Variants in TMLHE observed in about 807,000 individuals in gnomAD.
TMLHE encodes trimethyllysine hydroxylase, epsilon, also known as trimethyllysine dioxygenase, mitochondrial.
A neutral mutation model predicts 25.7 loss-of-function variants in TMLHE; 18 were observed. The ratio of observed to expected loss-of-function variants is 0.70; its 90% confidence interval spans 0.48 to 1.04. The LOEUF (loss-of-function observed/expected upper bound fraction) is 1.04. Among genes scored for constraint, TMLHE ranks in the 50% least tolerant of loss-of-function variants. The pLI is 0.00. For synonymous variants in TMLHE, 105 were observed against 97.0 expected (o/e 1.08, Z -0.49); for missense variants, 236 against 259.0 (o/e 0.91, Z 0.61).
Position 155,568,570 on chromosome X carries a change from C to A in TMLHE, c.-1-23293G>T, listed in dbSNP as rs1569562188. Among the ~76,000 whole-genome samples the A allele has an allele frequency of 3.2e-5, 2 of 62,566 alleles. 1 individual carries two copies. Among genetic ancestry groups the A allele is most frequent in the Admixed American group, 3.7e-4 (2 of 5,395 alleles). The allele number at this position is 62,566 out of a possible 115,157, so 54.3% of individuals were successfully genotyped here. A position where few individuals can be genotyped will look rare whatever the true frequency, so the allele number is the denominator to read the frequency against. On this transcript the variant is annotated intron_variant, in intron 1 of 7. Coordinates refer to ENST00000334398, the MANE Select transcript of TMLHE (RefSeq NM_018196.4). ...GACCCCTGACCCCCGAGCAGCCTAA[C>A]TGGGAGGCACCCCCCAGTAGGGGCA...
chrX:155,561,114 G>C lies in TMLHE; in HGVS notation c.-1-15837C>G, dbSNP rs182980612. 1.7e-3 allele frequency among the ~76,000 whole-genome samples: 103 copies of C among 61,379 alleles called. 19 individuals are homozygous for C. Among genetic ancestry groups the C allele is most frequent in the Admixed American group, 3.8e-3 (20 of 5,230 alleles). 53.3% of individuals were successfully genotyped at this position (61,379 alleles called of 115,157 possible). A position where few individuals can be genotyped will look rare whatever the true frequency, so the allele number is the denominator to read the frequency against. ...GATTTGCTGATGAATTGAAAATGGG[G>C]TGTGAGATAAAGAGGAATGTATTAG... On this transcript the variant is annotated intron_variant, in intron 1 of 7. Transcript: ENST00000334398.
At chrX:155,510,232 T>TTTTTA (rs370981833) in intron 5 of TMLHE, among the ~76,000 whole-genome samples, 2,890 of 99,198 alleles carry the variant, frequency 0.029, 92 homozygotes, top group African/African-American at 0.081. Context: ...ATGAGTTTTC[T>TTTTTA]TTTTATTTTA....
At chrX:155,607,049 G>A (rs1348413111) in intron 1 of TMLHE, among the ~76,000 whole-genome samples, 2 of 111,504 alleles carry the variant, frequency 1.8e-5, no homozygotes, top group Admixed American at 1.9e-4. Flanking sequence ...ATATAAAGAA[G>A]AGCTGGTACC....
chrX:155,591,658 C>G (rs1231869609), intron 1 of TMLHE, among the ~76,000 whole-genome samples: 2 of 111,531 alleles, frequency 1.8e-5, no homozygotes, highest in Non-Finnish European at 3.8e-5. Context: ...GAACACTTCA[C>G]ACCTATTAGA....
intron 1 of TMLHE, among the ~76,000 whole-genome samples, chrX:155,574,116 C>G (rs1443455889): frequency 9.3e-6 from 1 of 108,037 alleles, no homozygotes; most frequent in African/African-American, 3.6e-5. Flanking sequence ...TGACAGCTAG[C>G]CTAAAGCCTC....
intron 1 of TMLHE, among the ~76,000 whole-genome samples, chrX:155,547,813 A>G (rs1603048333): frequency 1.8e-5 from 2 of 111,378 alleles, no homozygotes; most frequent in East Asian, 2.8e-4. Context: ...TTCTTTCATT[A>G]TTTACCACCC....
In TMLHE at chrX:155,549,352, G is replaced by C. The variant is rs782232159; in HGVS notation, c.-1-4075C>G. On this transcript the variant is annotated intron_variant, in intron 1 of 7. Coordinates refer to ENST00000334398, the MANE Select transcript of TMLHE (RefSeq NM_018196.4). ...TAAGTATGTTGTTAGCCATGTTTTT[G>C]GATTTTTTTGTTATTGTTATTAATG... 8.3e-4 allele frequency among the ~76,000 whole-genome samples: 92 copies of C among 110,224 alleles called. 5 individuals carry two copies. The highest frequency in any genetic ancestry group is 2.6e-3 in the African/African-American group (79 of 29,842).
intron 1 of TMLHE, among the ~76,000 whole-genome samples, chrX:155,549,970 T>G (rs1055048200): frequency 1.8e-5 from 2 of 109,416 alleles, no homozygotes; most frequent in African/African-American, 6.8e-5. Flanking sequence ...TGAGAACACG[T>G]GGTGTTTGGT....
intron 6 of TMLHE, among the ~76,000 whole-genome samples, chrX:155,505,108 C>T (rs1401916812): frequency 9.0e-6 from 1 of 111,289 alleles, no homozygotes; most frequent in Non-Finnish European, 1.9e-5. Context: ...CTGATATCTG[C>T]AATGTATTAT....
intron 1 of TMLHE, among the ~76,000 whole-genome samples, chrX:155,598,983 C>T (rs782549344): frequency 1.8e-5 from 2 of 111,446 alleles, no homozygotes; most frequent in South Asian, 3.8e-4. Flanking sequence ...ACCTCTGCCA[C>T]TCCTGAGACA....
At chrX:155,552,424 T>C (rs2067421567) in intron 1 of TMLHE, among the ~76,000 whole-genome samples, 1 of 109,841 alleles carries the variant, frequency 9.1e-6, no homozygotes, top group African/African-American at 3.4e-5. Flanking sequence ...TGCAGAAATT[T>C]ATCTTCTTGT....
intron 1 of TMLHE, among the ~76,000 whole-genome samples, chrX:155,587,191 G>C (rs1055443536): frequency 6.3e-5 from 7 of 111,739 alleles, no homozygotes; most frequent in Non-Finnish European, 1.1e-4. Context: ...TTTATCCCAG[G>C]GATGGAAGGA....
chrX:155,585,225 C>G (rs1557345131), intron 1 of TMLHE, among the ~76,000 whole-genome samples: 1 of 111,222 alleles, frequency 9.0e-6, no homozygotes. Context: ...CCAAGAAGAG[C>G]ACTTTACCTG....
chrX:155,581,564 C>T (rs2067628590), intron 1 of TMLHE, among the ~76,000 whole-genome samples: 1 of 110,664 alleles, frequency 9.0e-6, no homozygotes, highest in African/African-American at 3.3e-5. Flanking sequence ...GAGTGAACTC[C>T]CATTCATAAT....
chrX:155,538,997 G>C (rs1463552677), intron 2 of TMLHE, among the ~76,000 whole-genome samples: 4 of 111,245 alleles, frequency 3.6e-5, no homozygotes, highest in African/African-American at 1.3e-4. Context: ...TTGCCTTTAT[G>C]ACAAATTCAG....
intron 4 of TMLHE, among the ~76,000 whole-genome samples, chrX:155,512,036 T>C (rs2067116899): frequency 9.0e-6 from 1 of 111,458 alleles, no homozygotes; most frequent in African/African-American, 3.3e-5. Context: ...TATGAAAGCT[T>C]GGAGAATCAT....
At chrX:155,528,154 G>A (rs2067229891) in intron 2 of TMLHE, among the ~76,000 whole-genome samples, 1 of 109,761 alleles carries the variant, frequency 9.1e-6, no homozygotes, top group Non-Finnish European at 1.9e-5. Context: ...AAAGGATGTG[G>A]GGAAAAATGC....
intron 1 of TMLHE, among the ~76,000 whole-genome samples, chrX:155,596,339 A>G (rs1557346507): frequency 9.0e-6 from 1 of 111,549 alleles, no homozygotes; most frequent in Admixed American, 9.5e-5. Context: ...AGTTCTTTTG[A>G]TATTGGACAA....
intron 1 of TMLHE, among the ~76,000 whole-genome samples, chrX:155,609,374 G>A (rs1463689125): frequency 9.0e-6 from 1 of 110,777 alleles, no homozygotes; most frequent in Non-Finnish European, 1.9e-5. Flanking sequence ...CAATAGACAC[G>A]GGGGCCTACT....
Sources: allele counts gnomAD v4.1 joint callset (sites outside exome capture counted in the v4.1 genomes callset), GRCh38; gene constraint gnomAD v4.1.1; transcripts MANE v1.5; gene names NCBI Gene and HGNC (gene_info 2026-07-23, HGNC 2026-07-21).